Variants in AEBP2 observed in about 807,000 individuals in gnomAD.
AEBP2 encodes AE binding protein 2.
Under a neutral mutation model 50.8 loss-of-function variants are expected in AEBP2, and 10 were observed. That is an observed-to-expected ratio of 0.20 (90% CI 0.12 to 0.33). The LOEUF (loss-of-function observed/expected upper bound fraction) is 0.33, where lower values mean the gene tolerates loss of function less well. Ranked by LOEUF, AEBP2 falls within the 10% of genes least tolerant of loss-of-function variation. The probability of loss-of-function intolerance (pLI) is 1.00; values close to 1 mark genes in which losing one functional copy is unlikely to be tolerated. For synonymous variants in AEBP2, 296 were observed against 261.3 expected, an observed-to-expected ratio of 1.13 and a Z score of -1.28; for missense variants, 570 against 688.0, an observed-to-expected ratio of 0.83 and a Z score of 1.92.
At chr12:19,457,389 A>G (rs1410064046) in intron 1 of AEBP2, 10 of 1,436,890 alleles carry the variant, frequency 7.0e-6, no homozygotes, top group Non-Finnish European at 8.6e-6. Flanking sequence ...AATGATAGTC[A>G]CGTAGCACTT....
chr12:19,482,853 C>T (rs917263428), intron 3 of AEBP2, among the ~76,000 whole-genome samples: 2 of 152,050 alleles, frequency 1.3e-5, no homozygotes, highest in African/African-American at 4.8e-5. Flanking sequence ...TCATATAGTT[C>T]ACCAGGGAAG....
intron 4 of AEBP2, among the ~76,000 whole-genome samples, chr12:19,495,511 G>A (rs938893249): frequency 6.7e-6 from 1 of 149,270 alleles, no homozygotes; most frequent in Non-Finnish European, 1.5e-5. Flanking sequence ...ACTGAGAAAA[G>A]TAAACTTTCT....
intron 3 of AEBP2, among the ~76,000 whole-genome samples, chr12:19,478,376 A>T (rs1366634463): frequency 6.6e-6 from 1 of 152,038 alleles, no homozygotes; most frequent in African/African-American, 2.4e-5. Context: ...GCTCACTGCA[A>T]CCTCTGCTTC....
intron 1 of AEBP2, among the ~76,000 whole-genome samples, chr12:19,449,242 G>A (rs990843576): frequency 1.3e-5 from 2 of 152,032 alleles, no homozygotes; most frequent in African/African-American, 4.8e-5. Context: ...TATTAAATGG[G>A]GGGTGTTCTT....
intron 3 of AEBP2, among the ~76,000 whole-genome samples, chr12:19,480,713 G>T (rs1246109768): frequency 1.3e-5 from 2 of 152,136 alleles, no homozygotes; most frequent in Admixed American, 1.3e-4. Flanking sequence ...CCCACAACTC[G>T]TAATATTCTT....
In AEBP2 at chr12:19,521,930, C is replaced by T. The variant is rs1949404684; in HGVS notation, c.*3813C>T. The T allele has an allele frequency of 6.6e-6, 1 of 152,080 alleles. No homozygotes were observed. The highest frequency in any genetic ancestry group is 2.1e-4 in the South Asian group (1 of 4,826). 9.4% of individuals were successfully genotyped at this position (152,080 alleles called of 1,614,324 possible). ...AAAAAAGAAACCTTTAATACCTCTG[C>T]ATAAGTTCTCTGAAAGAACTTAAAT... On this transcript the variant is annotated 3_prime_UTR_variant, in exon 8 of 8. Coordinates refer to ENST00000266508, the MANE Select transcript of AEBP2 (RefSeq NM_153207.5).
chr12:19,481,270 T>G (rs1391589485), intron 3 of AEBP2, among the ~76,000 whole-genome samples: 3 of 150,706 alleles, frequency 2.0e-5, no homozygotes, highest in Non-Finnish European at 4.4e-5. Context: ...CCAGCTAAGT[T>G]TTGTATTTTT....
intron 6 of AEBP2, among the ~76,000 whole-genome samples, chr12:19,513,273 T>G (rs1949263502): frequency 6.6e-6 from 1 of 152,188 alleles, no homozygotes; most frequent in African/African-American, 2.4e-5. Context: ...GATTACATTT[T>G]TCTTTAAGTT....
At chr12:19,469,914 C>T (rs993075784) in intron 2 of AEBP2, among the ~76,000 whole-genome samples, 1 of 152,186 alleles carries the variant, frequency 6.6e-6, no homozygotes, top group African/African-American at 2.4e-5. Context: ...GAACATACTT[C>T]TTCCAAATTT....
In AEBP2 at chr12:19,439,934, G is replaced by A. The variant is rs951388986; in HGVS notation, c.235G>A (p.Ala79Thr). Residue 79 changes from alanine (A) to threonine (T), a missense_variant, in exon 1 of 8, where the codon GCA (alanine) becomes ACA (threonine). Coordinates refer to ENST00000266508, the MANE Select transcript of AEBP2 (RefSeq NM_153207.5). ...GGGGGVGGGE[A>T]ETMSEPSPES... The stretch of plus-strand genomic sequence containing the variant: ...CGGCGGAGGAGTGGGGGGCGGCGAG[G>A]CAGAGACGATGTCGGAGCCGAGCCC... 1.1e-5 allele frequency: 17 copies of A among 1,514,834 alleles called. No homozygotes were observed. The highest frequency in any genetic ancestry group is 1.5e-5 in the Non-Finnish European group (17 of 1,138,676). 93.8% of individuals were successfully genotyped at this position (1,514,834 alleles called of 1,614,324 possible).
intron 1 of AEBP2, chr12:19,445,842 T>C (rs1038325638): frequency 6.6e-6 from 1 of 152,206 alleles, no homozygotes; most frequent in African/African-American, 2.4e-5. Flanking sequence ...AACCTTTCAT[T>C]TTAAATTGTT....
At chr12:19,493,129 A>T (rs961193899) in intron 3 of AEBP2, among the ~76,000 whole-genome samples, 4 of 152,192 alleles carry the variant, frequency 2.6e-5, no homozygotes, top group Non-Finnish European at 1.5e-5. Context: ...CCAGAAATAC[A>T]GCTGGCTTAC....
intron 2 of AEBP2, among the ~76,000 whole-genome samples, chr12:19,468,183 C>T (rs1036462616): frequency 7.9e-6 from 1 of 126,838 alleles, no homozygotes; most frequent in Non-Finnish European, 1.8e-5. Context: ...GACAGTCTTA[C>T]TATGTTGTCC....
chr12:19,423,473 G>GT (rs148963153), intron 1 of AEBP2, among the ~76,000 whole-genome samples: 1,547 of 152,170 alleles, frequency 0.01, 27 homozygotes, highest in African/African-American at 0.034. Context: ...GATGAGATGA[G>GT]TTTTTTTGGG....
chr12:19,482,512 C>T (rs1948745209), intron 3 of AEBP2, among the ~76,000 whole-genome samples: 2 of 152,178 alleles, frequency 1.3e-5, no homozygotes, highest in Admixed American at 6.5e-5. Context: ...TCATGAGTTG[C>T]TCTAATGGCC....
At chr12:19,488,649 A>T (rs905945207) in intron 3 of AEBP2, among the ~76,000 whole-genome samples, 1 of 152,082 alleles carries the variant, frequency 6.6e-6, no homozygotes, top group Admixed American at 6.6e-5. Flanking sequence ...CTTCAGAAGG[A>T]CTTCTGGGAA....
intron 3 of AEBP2, among the ~76,000 whole-genome samples, chr12:19,484,305 A>G (rs559061121): frequency 7.4e-6 from 1 of 135,956 alleles, no homozygotes; most frequent in South Asian, 2.3e-4. Flanking sequence ...GGGTTTCACT[A>G]CATTGGCCAG....
At chr12:19,439,412 G>A (rs1947897627), upstream of AEBP2, among the ~76,000 whole-genome samples, 1 of 149,076 alleles carries the variant, frequency 6.7e-6, no homozygotes, top group Admixed American at 6.7e-5. Context: ...GGGCAGCGGG[G>A]CGGGCGCCGG....
chr12:19,494,629 C>T (rs1948943643), intron 4 of AEBP2, among the ~76,000 whole-genome samples: 1 of 150,588 alleles, frequency 6.6e-6, no homozygotes, highest in South Asian at 2.1e-4. Context: ...GATTGCCTGT[C>T]TCGGCCTCCC....
Sources: allele counts gnomAD v4.1 joint callset (sites outside exome capture counted in the v4.1 genomes callset), GRCh38; gene constraint gnomAD v4.1.1; transcripts MANE v1.5; gene names NCBI Gene and HGNC (gene_info 2026-07-23, HGNC 2026-07-21).